DOCK10: variants seen among roughly 807,000 people sequenced by gnomAD.
DOCK10 encodes the protein dedicator of cytokinesis 10, also known as dedicator of cytokinesis protein 10.
Under a neutral mutation model 280.1 loss-of-function variants are expected in DOCK10, and 145 were observed. The observed-to-expected ratio is 0.52, with a 90% CI of 0.45 to 0.59. DOCK10 has a LOEUF of 0.59. Among genes scored for constraint, DOCK10 ranks in the 20% least tolerant of loss-of-function variants. The pLI, the probability that DOCK10 is intolerant of heterozygous loss-of-function variation, is 0.00. For synonymous variants in DOCK10, 915 were observed against 942.2 expected (o/e 0.97, Z 0.53); for missense variants, 2,368 against 2,651.7 (o/e 0.89, Z 2.35).
At chr2:225,026,144 G>A (rs1167678452) in intron 1 of DOCK10, among the ~76,000 whole-genome samples, 1 of 152,100 alleles carries the variant, frequency 6.6e-6, no homozygotes, top group Non-Finnish European at 1.5e-5. Context: ...GCATCCTTGG[G>A]TAATGCCCAG....
intron 1 of DOCK10, among the ~76,000 whole-genome samples, chr2:225,017,678 C>A: frequency 7.7e-6 from 1 of 129,556 alleles, no homozygotes. Flanking sequence ...CCAAAGAAGC[C>A]AATAACTGAA....
intron 1 of DOCK10, chr2:224,982,420 A>G (rs1705798379): frequency 8.1e-7 from 1 of 1,231,092 alleles, no homozygotes; most frequent in East Asian, 3.2e-5. Context: ...CTATGTTTGC[A>G]AAACAGTGGC....
In DOCK10 at chr2:224,873,998, T is replaced by C; in HGVS notation, c.1255A>G (p.Asn419Asp). The C allele has an allele frequency of 6.2e-7, 1 of 1,609,808 alleles. No homozygotes were observed. The highest frequency in any genetic ancestry group is 8.5e-7 in the Non-Finnish European group (1 of 1,178,812). The change falls in exon 11 of 56, where the codon AAT (asparagine) becomes GAT (aspartate). Residue 419 changes from asparagine (N) to aspartate (D), a missense_variant and splice_region_variant. Transcript: ENST00000258390. ...GATGTAACAGAGGAGAAACTTACAT[T>C]CGTTATCGGATCATTTTCATTCTCC... ...VTENENDPIT[N>D]IEPFFVSVAL... is the part of the protein sequence containing the mutation.
Position 224,770,632 on chromosome 2 carries a change from G to T in DOCK10, c.6218C>A (p.Pro2073Gln). The T allele has an allele frequency of 1.2e-6, 2 of 1,613,384 alleles. No individual in the cohort carries two copies. Among genetic ancestry groups the T allele is most frequent in the Non-Finnish European group, 1.7e-6 (2 of 1,179,340 alleles). Residue 2073 changes from proline (P) to glutamine (Q), a missense_variant, in exon 54 of 56, where the codon CCA becomes CAA. Pro to Gln is a moderately conservative substitution (Grantham distance 76). Coordinates refer to ENST00000258390, the MANE Select transcript of DOCK10 (RefSeq NM_014689.3). The surrounding 1 kb of genome is among the most constrained non-coding windows in gnomAD (Gnocchi z 4.5). ...GSVSVKVNAG[P>Q]MAYARAFLEE... ...AAGAAAAGCTCGTGCATAGGCCATTGGCCCAGCATTAACCTGTTGAGAAGA... is the reference window on the plus strand; with the variant it reads ...AAGAAAAGCTCGTGCATAGGCCATTTGCCCAGCATTAACCTGTTGAGAAGA...
At position 224,804,223 on chromosome 2, in the gene DOCK10, A is replaced by G; in HGVS notation, c.4167-10T>C. 6.4e-7 allele frequency: 1 copy of G among 1,574,062 alleles called. No homozygotes were observed. The highest frequency in any genetic ancestry group is 8.7e-7 in the Non-Finnish European group (1 of 1,146,902). On this transcript the variant is annotated splice_polypyrimidine_tract_variant and intron_variant, in intron 38 of 55. Coordinates refer to ENST00000258390, the MANE Select transcript of DOCK10 (RefSeq NM_014689.3). ...TGCAGCAGCAATTTTTCTGCAATGA[A>G]AATGGAAGTTTTAATCATAGCTCAG...
At chr2:225,037,884 T>C (rs922228372) in intron 1 of DOCK10, among the ~76,000 whole-genome samples, 2 of 152,176 alleles carry the variant, frequency 1.3e-5, no homozygotes, top group African/African-American at 4.8e-5. Flanking sequence ...TCAAAGTTAT[T>C]TCTCCAATGC....
chr2:224,798,027 A>C, intron 41 of DOCK10, 58 bp from the exon 42 acceptor site: 1 of 1,540,734 alleles, frequency 6.5e-7, no homozygotes, highest in Non-Finnish European at 8.8e-7. Context: ...TCATTCTATC[A>C]AAAAATATTT....
chr2:224,905,139 C>T (rs1479725941), intron 3 of DOCK10, among the ~76,000 whole-genome samples: 3 of 150,640 alleles, frequency 2.0e-5, no homozygotes, highest in Non-Finnish European at 2.9e-5. Context: ...CTCATTGGAT[C>T]TTATTGTTTT....
intron 53 of DOCK10, among the ~76,000 whole-genome samples, chr2:224,771,838 T>TGG (rs34248958): frequency 6.6e-6 from 1 of 151,766 alleles, no homozygotes; most frequent in African/African-American, 2.4e-5. Flanking sequence ...TCTCAGCCCA[T>TGG]GGGGGACACA....
intron 1 of DOCK10, among the ~76,000 whole-genome samples, chr2:224,959,131 A>G (rs887896464): frequency 2.0e-5 from 3 of 152,230 alleles, no homozygotes; most frequent in Admixed American, 2.0e-4. Flanking sequence ...CTCACTGCCC[A>G]TAACTACAGA....
At chr2:224,860,369 T>G (rs1697420413) in intron 14 of DOCK10, among the ~76,000 whole-genome samples, 1 of 152,134 alleles carries the variant, frequency 6.6e-6, no homozygotes, top group African/African-American at 2.4e-5. Flanking sequence ...CAAGTGACTT[T>G]TAGTAATAAT....
At chr2:224,787,855 C>G (rs1691842056) in intron 48 of DOCK10, among the ~76,000 whole-genome samples, 2 of 152,192 alleles carry the variant, frequency 1.3e-5, no homozygotes, top group Non-Finnish European at 2.9e-5. Flanking sequence ...CAATCAGGCA[C>G]CAACCTCCCT....
At chr2:224,807,441 C>G (rs1277085103) in intron 33 of DOCK10, 1 of 366,616 alleles carries the variant, frequency 2.7e-6, no homozygotes, top group Non-Finnish European at 5.0e-6. Context: ...GAAGCTGATA[C>G]AGAGAACAGA....
intron 1 of DOCK10, among the ~76,000 whole-genome samples, chr2:225,021,996 C>G (rs1392743436): frequency 6.6e-6 from 1 of 152,126 alleles, no homozygotes; most frequent in African/African-American, 2.4e-5. Context: ...GGAGAAATTG[C>G]TTTTCTATTT....
intron 39 of DOCK10, 146 bp from the exon 40 acceptor site, chr2:224,802,186 G>T: frequency 1.2e-6 from 1 of 854,570 alleles, no homozygotes; most frequent in Admixed American, 3.1e-5. Context: ...TTAATTATAG[G>T]TGACATGATG....
intron 1 of DOCK10, among the ~76,000 whole-genome samples, chr2:225,003,737 A>G (rs941081585): frequency 3.3e-5 from 5 of 152,180 alleles, no homozygotes; most frequent in African/African-American, 1.2e-4. Context: ...TATCTCTTAA[A>G]CCACAAGAAA....
intron 1 of DOCK10, among the ~76,000 whole-genome samples, chr2:225,009,638 C>CCAA (rs559047500): frequency 7.4e-6 from 1 of 135,562 alleles, no homozygotes; most frequent in African/African-American, 2.7e-5. Context: ...AGCCCTAAGG[C>CCAA]AAAAAAAAAA....
At chr2:224,869,729 C>T (rs1698148555) in intron 11 of DOCK10, among the ~76,000 whole-genome samples, 1 of 152,192 alleles carries the variant, frequency 6.6e-6, no homozygotes, top group South Asian at 2.1e-4. Flanking sequence ...TAACTTGGTT[C>T]TCTGTACTTG....
At chr2:225,038,011 G>T (rs188883565) in intron 1 of DOCK10, among the ~76,000 whole-genome samples, 204 of 152,222 alleles carry the variant, frequency 1.3e-3, no homozygotes, top group Middle Eastern at 6.8e-3. Context: ...TTCCTCATAT[G>T]AAAACATAAC....
Sources: allele counts gnomAD v4.1 joint callset (sites outside exome capture counted in the v4.1 genomes callset), GRCh38; gene constraint gnomAD v4.1.1; non-coding constraint Gnocchi (gnomAD v3.1); transcripts MANE v1.5; gene names NCBI Gene and HGNC (gene_info 2026-07-23, HGNC 2026-07-21).